MIPEP: variants seen among roughly 807,000 people sequenced by gnomAD.
MIPEP encodes the protein mitochondrial intermediate peptidase.
In MIPEP, 79 loss-of-function variants were observed where a neutral mutation model predicts 90.3. The observed-to-expected ratio is 0.87, with a 90% CI of 0.73 to 1.05. MIPEP has a LOEUF of 1.05. Among genes scored for constraint, MIPEP ranks in the 50% least tolerant of loss-of-function variants. The probability of loss-of-function intolerance (pLI) is 0.00; values close to 1 mark genes in which losing one functional copy is unlikely to be tolerated. For missense variants in MIPEP, 940 were observed against 905.6 expected, an observed-to-expected ratio of 1.04 and a Z score of -0.49; for synonymous variants, 334 against 315.8, an observed-to-expected ratio of 1.06 and a Z score of -0.61.
intron 14 of MIPEP, among the ~76,000 whole-genome samples, chr13:23,834,229 C>A (rs1250399338): frequency 6.6e-6 from 1 of 152,208 alleles, no homozygotes; most frequent in African/African-American, 2.4e-5. Flanking sequence ...TCCTCCCTGA[C>A]ACCAGCGTGA....
chr13:23,761,095 C>A (rs1952537492), intron 16 of MIPEP, among the ~76,000 whole-genome samples: 1 of 148,984 alleles, frequency 6.7e-6, no homozygotes, highest in South Asian at 2.1e-4. Flanking sequence ...AAAATCATTA[C>A]TATACAAAGA....
intron 18 of MIPEP, among the ~76,000 whole-genome samples, chr13:23,753,149 A>G (rs1029532794): frequency 6.6e-6 from 1 of 151,038 alleles, no homozygotes; most frequent in Admixed American, 6.6e-5. Flanking sequence ...AAGTGCATAA[A>G]CCCAGGAGGT....
chr13:23,871,719 A>G (rs976040464), intron 5 of MIPEP, among the ~76,000 whole-genome samples: 1 of 152,236 alleles, frequency 6.6e-6, no homozygotes, highest in Non-Finnish European at 1.5e-5. Context: ...CAGAATTTCA[A>G]TATAGAAAAT....
intron 16 of MIPEP, among the ~76,000 whole-genome samples, chr13:23,792,736 T>C (rs1352580559): frequency 2.0e-5 from 3 of 152,210 alleles, no homozygotes; most frequent in Non-Finnish European, 4.4e-5. Context: ...ACTCACTTCT[T>C]TCTCTTACAT....
intron 4 of MIPEP, among the ~76,000 whole-genome samples, chr13:23,876,415 C>T (rs148962697): frequency 1.3e-5 from 2 of 152,300 alleles, no homozygotes; most frequent in East Asian, 3.9e-4. Context: ...AGCCCTGAAG[C>T]CAAAGTCCAA....
chr13:23,846,199 T>C (rs534818600), intron 10 of MIPEP, among the ~76,000 whole-genome samples: 1 of 152,344 alleles, frequency 6.6e-6, no homozygotes, highest in East Asian at 1.9e-4. Flanking sequence ...ATGCTCTTTT[T>C]CTTAATTTTG....
Position 23,841,322 on chromosome 13 carries a change from A to C in MIPEP, c.1260+13T>G, listed in dbSNP as rs762582043. ...AAATGCCTGCAACTGCAGGCTGAGC[A>C]GGAGGAGCTCACCAGTTTTCGGACA... is the stretch of plus-strand genomic sequence containing the variant. On this transcript the variant is annotated intron_variant, in intron 11 of 18. Transcript: ENST00000382172. 1 of 1,602,388 alleles carries C rather than the reference A, an allele frequency of 6.2e-7. No individual in the cohort carries two copies. The highest frequency in any genetic ancestry group is 1.1e-5 in the South Asian group (1 of 88,382).
At chr13:23,824,350 T>C (rs1953342317) in intron 14 of MIPEP, among the ~76,000 whole-genome samples, 1 of 152,222 alleles carries the variant, frequency 6.6e-6, no homozygotes, top group South Asian at 2.1e-4. Flanking sequence ...TGTACTGTGG[T>C]GAGAAGCTGC....
At chr13:23,789,241 T>G (rs752366221) in intron 16 of MIPEP, among the ~76,000 whole-genome samples, 1 of 152,268 alleles carries the variant, frequency 6.6e-6, no homozygotes, top group Non-Finnish European at 1.5e-5. Flanking sequence ...CCAGTACATT[T>G]TATTCATCAT....
chr13:23,730,717 T>C (rs1391368172), intron 18 of MIPEP, among the ~76,000 whole-genome samples: 3 of 152,240 alleles, frequency 2.0e-5, no homozygotes, highest in Non-Finnish European at 4.4e-5. Flanking sequence ...TATTTTTGCA[T>C]ATATGACTAT....
At chr13:23,797,908 T>C (rs1952980723) in intron 16 of MIPEP, among the ~76,000 whole-genome samples, 1 of 152,208 alleles carries the variant, frequency 6.6e-6, no homozygotes, top group African/African-American at 2.4e-5. Context: ...CTATTTTGCT[T>C]AATAACGAGA....
At chr13:23,835,910 G>A (rs1043429429) in intron 14 of MIPEP, among the ~76,000 whole-genome samples, 2 of 152,140 alleles carry the variant, frequency 1.3e-5, no homozygotes, top group Non-Finnish European at 2.9e-5. Flanking sequence ...AGACAGGCTC[G>A]AATGCCTATT....
chr13:23,782,136 A>C (rs1358164549), intron 16 of MIPEP, among the ~76,000 whole-genome samples: 1 of 152,242 alleles, frequency 6.6e-6, no homozygotes, highest in Non-Finnish European at 1.5e-5. Context: ...CTCCACCCCA[A>C]ATCAACAGAA....
intron 15 of MIPEP, among the ~76,000 whole-genome samples, chr13:23,806,559 T>C (rs1290036997): frequency 6.6e-6 from 1 of 151,848 alleles, no homozygotes; most frequent in Non-Finnish European, 1.5e-5. Flanking sequence ...GCACCTCTAG[T>C]CCCAGCTACT....
At chr13:23,880,397 G>A (rs916775567) in intron 3 of MIPEP, among the ~76,000 whole-genome samples, 8 of 152,306 alleles carry the variant, frequency 5.3e-5, no homozygotes, top group African/African-American at 7.2e-5. Flanking sequence ...GAGGCTGCCC[G>A]CACTGCCCCC....
rs574879772 is a variant in MIPEP at position 23,833,734 on chromosome 13, T to A, written c.1653+2506A>T. ...AAATTTCCACTCCAGATTTTACTTT[T>A]AAAAAAATGACTACTGTGCAAGGCT... On this transcript the variant is annotated intron_variant, in intron 14 of 18. Coordinates refer to ENST00000382172, the MANE Select transcript of MIPEP (RefSeq NM_005932.4). 1.1e-3 allele frequency among the ~76,000 whole-genome samples: 175 copies of A among 152,176 alleles called. 1 individual carries two copies. The highest frequency in any genetic ancestry group is 4.0e-3 in the African/African-American group (168 of 41,532).
chr13:23,831,000 CTG>C (rs891219907), intron 14 of MIPEP, among the ~76,000 whole-genome samples: 34 of 152,094 alleles, frequency 2.2e-4, no homozygotes, highest in African/African-American at 8.0e-4. Flanking sequence ...TAGTTGGAAA[CTG>C]AGGAATTGAG....
intron 14 of MIPEP, among the ~76,000 whole-genome samples, chr13:23,812,520 A>ACC (rs1176435386): frequency 6.6e-6 from 1 of 151,540 alleles, no homozygotes; most frequent in Non-Finnish European, 1.5e-5. Context: ...GACTGAACAG[A>ACC]CCCCCTGTTG....
chr13:23,833,277 C>T (rs1459442731), intron 14 of MIPEP, among the ~76,000 whole-genome samples: 1 of 152,170 alleles, frequency 6.6e-6, no homozygotes, highest in African/African-American at 2.4e-5. Context: ...TCCTTGGTGC[C>T]TTCATTAGTG....
Sources: allele counts gnomAD v4.1 joint callset (sites outside exome capture counted in the v4.1 genomes callset), GRCh38; gene constraint gnomAD v4.1.1; transcripts MANE v1.5; gene names NCBI Gene and HGNC (gene_info 2026-07-23, HGNC 2026-07-21).